The following PELI2 variants were observed in gnomAD, a reference collection of about 807,000 sequenced individuals.
PELI2 encodes the protein pellino E3 ubiquitin protein ligase family member 2.
In PELI2, 23 loss-of-function variants were observed where a neutral mutation model predicts 42.3. The observed-to-expected ratio is 0.54, with a 90% CI of 0.39 to 0.77. The LOEUF (loss-of-function observed/expected upper bound fraction) is 0.77. Among genes scored for constraint, PELI2 ranks in the 30% least tolerant of loss-of-function variants. PELI2 has a pLI of 0.00. For missense variants in PELI2, 463 were observed against 553.2 expected, an observed-to-expected ratio of 0.84 and a Z score of 1.64; for synonymous variants, 245 against 212.2, an observed-to-expected ratio of 1.15 and a Z score of -1.34.
chr14:56,228,013 C>G (rs549761279), intron 2 of PELI2, among the ~76,000 whole-genome samples: 41 of 152,326 alleles, frequency 2.7e-4, no homozygotes, highest in African/African-American at 9.6e-4. Context: ...AGGGTTACCC[C>G]TTCATTGCTT....
At chr14:56,286,919 G>A (rs1486174322) in intron 3 of PELI2, among the ~76,000 whole-genome samples, 1 of 152,114 alleles carries the variant, frequency 6.6e-6, no homozygotes, top group Non-Finnish European at 1.5e-5. Context: ...ATCCTAGCAG[G>A]CTGTTCCAGT....
chr14:56,267,330 A>G (rs944017970), intron 2 of PELI2, among the ~76,000 whole-genome samples: 1 of 152,132 alleles, frequency 6.6e-6, no homozygotes, highest in African/African-American at 2.4e-5. Context: ...CCTTCAAGGT[A>G]GTTGTACTTT....
intron 2 of PELI2, among the ~76,000 whole-genome samples, chr14:56,243,898 A>G (rs758781706): frequency 2.8e-4 from 43 of 152,234 alleles, no homozygotes; most frequent in Non-Finnish European, 5.0e-4. Context: ...AATAGAAAGT[A>G]TCATAATGAC....
At chr14:56,149,501 C>G (rs913282639) in intron 1 of PELI2, among the ~76,000 whole-genome samples, 3 of 152,250 alleles carry the variant, frequency 2.0e-5, no homozygotes, top group African/African-American at 7.2e-5. Flanking sequence ...GAAGAAAATG[C>G]TATGAGAAAA....
intron 2 of PELI2, among the ~76,000 whole-genome samples, chr14:56,185,207 C>A (rs1408652877): frequency 6.6e-6 from 1 of 152,098 alleles, no homozygotes; most frequent in African/African-American, 2.4e-5. Flanking sequence ...CCCTCTATTA[C>A]ATTTCCATTA....
At chr14:56,170,628 A>G (rs548217543) in intron 1 of PELI2, among the ~76,000 whole-genome samples, 6 of 152,182 alleles carry the variant, frequency 3.9e-5, no homozygotes, top group Non-Finnish European at 5.9e-5. Flanking sequence ...AGGAGTAATA[A>G]TGTCTCCTTC....
At chr14:56,207,820 A>T (rs1039316917) in intron 2 of PELI2, among the ~76,000 whole-genome samples, 3 of 152,248 alleles carry the variant, frequency 2.0e-5, no homozygotes, top group African/African-American at 7.2e-5. Flanking sequence ...AGCAGAGAGC[A>T]GGAACTCTGA....
In PELI2 at chr14:56,197,332, G is replaced by A. The variant is rs2058588275; in HGVS notation, c.207+18868G>A. 6.6e-6 allele frequency among the ~76,000 whole-genome samples: 1 copy of A among 152,214 alleles called. No homozygotes were observed. The highest frequency in any genetic ancestry group is 2.4e-5 in the African/African-American group (1 of 41,464). On this transcript the variant is annotated intron_variant, in intron 2 of 5. Transcript: ENST00000267460. This position sits in a 1 kb window ranked among gnomAD's most constrained non-coding sequence, Gnocchi z 4.9. ...GTCTTGCAAACAGAGAGGGGCAGAAGTGTAACTGTCAGCATATTCTAAGAC... is the reference window on the plus strand; with the variant it reads ...GTCTTGCAAACAGAGAGGGGCAGAAATGTAACTGTCAGCATATTCTAAGAC...
chr14:56,160,157 G>A (rs544493203), intron 1 of PELI2, among the ~76,000 whole-genome samples: 38 of 152,192 alleles, frequency 2.5e-4, no homozygotes, highest in African/African-American at 9.2e-4. Context: ...CTTGCCCAGG[G>A]ATTAGTGTTA....
chr14:56,150,285 G>A (rs552480218), intron 1 of PELI2, among the ~76,000 whole-genome samples: 25 of 152,274 alleles, frequency 1.6e-4, no homozygotes, highest in Non-Finnish European at 2.4e-4. Flanking sequence ...ATTTCCCCAC[G>A]TATAAGCCAA....
intron 2 of PELI2, among the ~76,000 whole-genome samples, chr14:56,242,819 A>G (rs543154030): frequency 1.3e-5 from 2 of 152,162 alleles, no homozygotes; most frequent in East Asian, 1.9e-4. Context: ...CCAAATGCAT[A>G]TGAAGGATGT....
intron 2 of PELI2, among the ~76,000 whole-genome samples, chr14:56,217,512 C>T (rs1261405906): frequency 6.6e-6 from 1 of 152,202 alleles, no homozygotes. Flanking sequence ...CCAGAGGTCC[C>T]CCGTCTGCCA....
chr14:56,201,104 C>T (rs1048982577), intron 2 of PELI2, among the ~76,000 whole-genome samples: 2 of 147,336 alleles, frequency 1.4e-5, no homozygotes, highest in African/African-American at 4.9e-5. Flanking sequence ...CTGGAACATG[C>T]GCCCTGCAAT....
intron 2 of PELI2, among the ~76,000 whole-genome samples, chr14:56,209,106 TTAA>T (rs757750416): frequency 2.6e-5 from 4 of 152,238 alleles, no homozygotes; most frequent in Non-Finnish European, 4.4e-5. Context: ...ACTCAGTGAA[TTAA>T]TATTTCCCAA....
rs76070427 is a variant in PELI2 at position 56,300,698 on chromosome 14, A to C, written c.*3532A>C. On this transcript the variant is annotated 3_prime_UTR_variant, in exon 6 of 6. Coordinates refer to ENST00000267460, the MANE Select transcript of PELI2 (RefSeq NM_021255.3). ...AACTATCTTCTTGCAGCCTTGCCTC[A>C]TAACAGTGGAATTTCTGATAGACAA... The C allele has an allele frequency of 6.6e-6, 1 of 152,178 alleles. No homozygotes were observed. The highest frequency in any genetic ancestry group is 2.4e-5 in the African/African-American group (1 of 41,416). 9.4% of individuals were successfully genotyped at this position (152,178 alleles called of 1,614,324 possible).
At chr14:56,166,446 CTTACTG>C (rs1884967041) in intron 1 of PELI2, among the ~76,000 whole-genome samples, 1 of 152,034 alleles carries the variant, frequency 6.6e-6, no homozygotes, top group Non-Finnish European at 1.5e-5. Flanking sequence ...TTTCTGTGTA[CTTACTG>C]TTAGTTGTGA....
chr14:56,144,954 G>A (rs1884059263), intron 1 of PELI2: 5 of 983,176 alleles, frequency 5.1e-6, no homozygotes, highest in Middle Eastern at 5.2e-4. Context: ...CAGGAGAAGA[G>A]GGATGTGGAA....
intron 2 of PELI2, among the ~76,000 whole-genome samples, chr14:56,246,215 C>G (rs963558940): frequency 6.6e-6 from 1 of 152,132 alleles, no homozygotes; most frequent in African/African-American, 2.4e-5. Context: ...TATGACTTGA[C>G]AAGAATAACA....
rs1164398260 is a variant in PELI2, at chr14:56,180,262, G to T, written c.207+1798G>T. ...TACTCATTAGAAACTGAGTAAATTG[G>T]CTTCAAGCAGGAGCTCTGTTGAATT... On this transcript the variant is annotated intron_variant, in intron 2 of 5. Coordinates refer to ENST00000267460, the MANE Select transcript of PELI2 (RefSeq NM_021255.3). The surrounding 1 kb of genome is among the most constrained non-coding windows in gnomAD (Gnocchi z 4.4). Among the ~76,000 whole-genome samples the T allele has an allele frequency of 6.6e-6, 1 of 152,104 alleles. No individual in the cohort carries two copies. Among genetic ancestry groups the T allele is most frequent in the African/African-American group, 2.4e-5 (1 of 41,410 alleles).
Sources: gnomAD v4.1 joint callset for allele counts (sites outside exome capture counted in the v4.1 genomes callset) on GRCh38, gnomAD v4.1.1 for gene constraint, Gnocchi (gnomAD v3.1) non-coding constraint, MANE v1.5 for transcripts, NCBI Gene and HGNC (gene_info 2026-07-23, HGNC 2026-07-21) for gene names.